Variants in WNK3 observed in about 807,000 individuals in gnomAD.
The protein encoded by WNK3 is serine/threonine-protein kinase WNK3.
A neutral mutation model predicts 116.7 loss-of-function variants in WNK3; 18 were observed. The ratio of observed to expected loss-of-function variants is 0.15; its 90% CI spans 0.11 to 0.23. WNK3 has a LOEUF of 0.23. Among genes scored for constraint, WNK3 ranks in the 10% least tolerant of loss-of-function variants. The pLI is 1.00. For missense variants in WNK3, 993 were observed against 1,323.8 expected (o/e 0.75, Z 3.88); for synonymous variants, 404 against 469.4 (o/e 0.86, Z 1.80).
At chrX:54,312,282 T>C (rs1396973478) in intron 2 of WNK3, among the ~76,000 whole-genome samples, 1 of 110,818 alleles carries the variant, frequency 9.0e-6, no homozygotes, top group Non-Finnish European at 1.9e-5. Context: ...GCCAAGATCA[T>C]GCCACTGCAC....
chrX:54,215,391 G>A (rs781941473), intron 22 of WNK3, among the ~76,000 whole-genome samples: 1 of 112,383 alleles, frequency 8.9e-6, no homozygotes, highest in East Asian at 2.8e-4. Flanking sequence ...GGGTTTCCCC[G>A]CGTTGGCCGG....
intron 22 of WNK3, among the ~76,000 whole-genome samples, chrX:54,217,335 AT>A (rs1557145586): frequency 1.0e-5 from 1 of 99,592 alleles, no homozygotes; most frequent in Non-Finnish European, 2.0e-5. Flanking sequence ...AAAAAAAAAA[AT>A]TAGCCATGTG....
chrX:54,231,463 T>C (rs1273756544), intron 21 of WNK3, among the ~76,000 whole-genome samples: 3 of 112,021 alleles, frequency 2.7e-5, no homozygotes, highest in Non-Finnish European at 5.6e-5. Flanking sequence ...CTGAAGGCTA[T>C]AGGAGAGATG....
intron 1 of WNK3, among the ~76,000 whole-genome samples, chrX:54,349,654 T>C (rs782206806): frequency 6.3e-5 from 7 of 111,507 alleles, no homozygotes; most frequent in African/African-American, 2.3e-4. Flanking sequence ...GCCAAGAAAA[T>C]CTTGATAAAG....
At chrX:54,320,493 T>C (rs1289250905) in intron 2 of WNK3, among the ~76,000 whole-genome samples, 1 of 112,179 alleles carries the variant, frequency 8.9e-6, no homozygotes, top group Admixed American at 9.5e-5. Flanking sequence ...AAATGATGCT[T>C]AGCTTATAAA....
intron 1 of WNK3, among the ~76,000 whole-genome samples, chrX:54,346,211 T>C (rs1360247857): frequency 9.9e-6 from 1 of 101,084 alleles, no homozygotes; most frequent in Admixed American, 1.1e-4. Flanking sequence ...ACCTTGGGTG[T>C]TGAATATTTT....
chrX:54,212,934 G>A (rs1557144079), intron 22 of WNK3, among the ~76,000 whole-genome samples: 1 of 111,003 alleles, frequency 9.0e-6, no homozygotes, highest in Admixed American at 9.6e-5. Flanking sequence ...TTCCTTATCA[G>A]CTAAGAGGGC....
intron 20 of WNK3, 135 bp from the exon 21 acceptor site, chrX:54,233,155 T>G (rs2067920808): frequency 2.1e-6 from 1 of 480,806 alleles, no homozygotes; most frequent in African/African-American, 2.4e-5. Context: ...CTAGGCACAA[T>G]GGCTTACATC....
intron 10 of WNK3, among the ~76,000 whole-genome samples, chrX:54,265,058 T>C (rs927453743): frequency 2.9e-4 from 32 of 111,309 alleles, no homozygotes; most frequent in Middle Eastern, 4.6e-3. Flanking sequence ...GGATAATTCA[T>C]TATGGGAGTA....
chrX:54,195,068 T>C (rs1302827628), exon 24 of WNK3: 2 of 112,068 alleles, frequency 1.8e-5, no homozygotes, highest in Non-Finnish European at 3.8e-5. Flanking sequence ...GCTACAAATA[T>C]ACATAGGGTT....
At chrX:54,326,782 C>G (rs1205382555) in intron 2 of WNK3, among the ~76,000 whole-genome samples, 6 of 111,201 alleles carry the variant, frequency 5.4e-5, no homozygotes, top group Non-Finnish European at 7.5e-5. Context: ...GTCAGGAGAT[C>G]GAGACCATCC....
chrX:54,333,131 A>G lies in WNK3; in HGVS notation c.537+6T>C. 1 of 1,172,601 alleles carries G rather than the reference A, an allele frequency of 8.5e-7. No individual in the cohort carries two copies. ...TTTATTATAACCAAGAAGATTATAT[A>G]CCTACCTGCAGCTCACACCAAGCAA... On this transcript the variant is annotated splice_donor_region_variant and intron_variant, in intron 2 of 23. Coordinates refer to ENST00000354646, the Ensembl canonical transcript of WNK3.
chrX:54,335,230 C>CCTCAACCCATTT (rs1557175189), intron 1 of WNK3, among the ~76,000 whole-genome samples: 96 of 110,847 alleles, frequency 8.7e-4, no homozygotes, highest in African/African-American at 3.1e-3. Flanking sequence ...GCCTGGGCGA[C>CCTCAACCCATTT]GGAGACTCTG....
intron 22 of WNK3, among the ~76,000 whole-genome samples, chrX:54,218,187 G>A (rs1364955091): frequency 9.0e-6 from 1 of 111,413 alleles, no homozygotes; most frequent in Non-Finnish European, 1.9e-5. Context: ...TGTGAAACCT[G>A]CATATATGGA....
At chrX:54,346,459 C>T (rs1176698571) in intron 1 of WNK3, among the ~76,000 whole-genome samples, 1 of 107,189 alleles carries the variant, frequency 9.3e-6, no homozygotes, top group African/African-American at 3.4e-5. Flanking sequence ...AAAAAATTAG[C>T]TGGGTGTGGT....
chrX:54,261,443 C>T (rs931618386), intron 10 of WNK3, among the ~76,000 whole-genome samples: 16 of 110,961 alleles, frequency 1.4e-4, no homozygotes, highest in Admixed American at 1.3e-3. Flanking sequence ...TACCAAAGGA[C>T]GATTGTACTA....
At chrX:54,205,089 C>T (rs2067538198) in intron 22 of WNK3, among the ~76,000 whole-genome samples, 1 of 110,953 alleles carries the variant, frequency 9.0e-6, no homozygotes, top group South Asian at 3.8e-4. Flanking sequence ...GTAGTGGGTG[C>T]CTGTAATCCC....
intron 10 of WNK3, among the ~76,000 whole-genome samples, chrX:54,277,170 T>TCATTCTCACCACTCTTATTCAAGACAGTA (rs2068459022): frequency 9.0e-6 from 1 of 110,703 alleles, no homozygotes; most frequent in Non-Finnish European, 1.9e-5. Context: ...GCAAGGAAGT[T>TCATTCTCACCACTCTTATTCAAGACAGTA]CATTCTCACC....
intron 2 of WNK3, among the ~76,000 whole-genome samples, chrX:54,321,700 C>T (rs1028987613): frequency 9.0e-6 from 1 of 111,251 alleles, no homozygotes; most frequent in Non-Finnish European, 1.9e-5. Flanking sequence ...TGGCTCACAC[C>T]TGTAATCCCA....
Sources: allele counts gnomAD v4.1 joint callset (sites outside exome capture counted in the v4.1 genomes callset), GRCh38; gene constraint gnomAD v4.1.1; transcripts MANE v1.5; gene names NCBI Gene and HGNC (gene_info 2026-07-23, HGNC 2026-07-21).